Variants in CTSL observed in about 807,000 individuals in gnomAD.
CTSL encodes the protein cathepsin L.
Under a neutral mutation model 34.7 loss-of-function variants are expected in CTSL, and 23 were observed. The observed-to-expected ratio is 0.66, with a 90% CI of 0.48 to 0.94. CTSL has a LOEUF of 0.94. Ranked by LOEUF, CTSL falls within the 40% of genes least tolerant of loss-of-function variation. The probability of loss-of-function intolerance (pLI) is 0.00; values close to 1 mark genes in which losing one functional copy is unlikely to be tolerated. For synonymous variants in CTSL, 129 were observed against 136.7 expected, an observed-to-expected ratio of 0.94 and a Z score of 0.39; for missense variants, 361 against 406.3, an observed-to-expected ratio of 0.89 and a Z score of 0.96.
In CTSL at chr9:87,728,655, G is replaced by C. The variant is rs1033918561; in HGVS notation, c.467G>C (p.Gly156Ala). The change falls in exon 5 of 8, where the codon GGG becomes GCG. Residue 156 changes from glycine to alanine, a missense_variant. By Grantham distance (60) the Gly-to-Ala change is moderately conservative. Transcript: ENST00000343150. ...GAAGGACAGATGTTCCGGAAAACTGGGAGGCTTATCTCACTGAGTGAGCAG... is the reference window on the plus strand; with the variant it reads ...GAAGGACAGATGTTCCGGAAAACTGCGAGGCTTATCTCACTGAGTGAGCAG... ...ALEGQMFRKT[G>A]RLISLSEQNL... The C allele has an allele frequency of 6.2e-7, 1 of 1,614,064 alleles. No individual in the cohort carries two copies. The highest frequency in any genetic ancestry group is 2.2e-5 in the East Asian group (1 of 44,858).
intron 5 of CTSL, 69 bp from the exon 6 acceptor site, chr9:87,729,504 T>G: frequency 7.1e-7 from 1 of 1,418,370 alleles, no homozygotes; most frequent in African/African-American, 1.4e-5. Context: ...AGTGTTGTGG[T>G]TCTAACTCAT....
chr9:87,729,856 T>C (rs1826190542), intron 6 of CTSL, 121 bp downstream of exon 6: 1 of 907,566 alleles, frequency 1.1e-6, no homozygotes, highest in Non-Finnish European at 1.6e-6. Context: ...AGCATCATAG[T>C]TGTTCATTCT....
chr9:87,728,511 A>C, intron 4 of CTSL, 74 bp from the exon 5 acceptor site: 1 of 1,573,122 alleles, frequency 6.4e-7, no homozygotes, highest in South Asian at 1.2e-5. Context: ...AACAGTATTC[A>C]GATGTGTGAG....
rs191495548 is a variant in CTSL, at chr9:87,728,440, C to G, written c.396+44C>G. ...CAGACCTCCCATCTTCCCAGGAAAGCCAAGAAGTGATTGACATCTTTGTTT... is the reference window on the plus strand; with the variant it reads ...CAGACCTCCCATCTTCCCAGGAAAGGCAAGAAGTGATTGACATCTTTGTTT... On this transcript the variant is annotated intron_variant, in intron 4 of 7. Coordinates refer to ENST00000343150, the MANE Select transcript of CTSL (RefSeq NM_001912.5). 5 of 1,593,356 alleles carry G rather than the reference C, an allele frequency of 3.1e-6. No homozygotes were observed. The Admixed American group carries it at 5.4e-5, about 17-fold the overall frequency.
Position 87,730,998 on chromosome 9 carries a change from C to G in CTSL, c.903-10C>G. ...CTTTCTCTGAAATGGAAAACCTGCT[C>G]TTTTTTCAGCTGGGGTGAAGAATGG... is the stretch of plus-strand genomic sequence containing the variant. On this transcript the variant is annotated splice_polypyrimidine_tract_variant and intron_variant, in intron 7 of 7. Coordinates refer to ENST00000343150, the MANE Select transcript of CTSL (RefSeq NM_001912.5). The G allele has an allele frequency of 1.2e-6, 2 of 1,612,608 alleles. No homozygotes were observed. Among genetic ancestry groups the G allele is most frequent in the South Asian group, 2.2e-5 (2 of 90,992 alleles).
At chr9:87,728,927 T>A in intron 5 of CTSL, 118 bp downstream of exon 5, 1 of 1,519,376 alleles carries the variant, frequency 6.6e-7, no homozygotes, top group Non-Finnish European at 8.8e-7. Context: ...GGCTCACGCC[T>A]GTAATCCCAG....
rs757255479 is a variant in CTSL, at chr9:87,728,113, C to A, written c.213C>A (p.His71Gln). The A allele has an allele frequency of 9.3e-6, 15 of 1,614,224 alleles. No homozygotes were observed. The South Asian group carries it at 1.6e-4, about 18-fold the overall frequency. Residue 71 changes from histidine to glutamine, a missense_variant, in exon 3 of 8, where the codon CAC becomes CAA. His to Gln is a conservative substitution (Grantham distance 24). Transcript: ENST00000343150. ...ATCAGGAATACAGGGAAGGGAAACACAGCTTCACAATGGCCATGAACGCCT... is the reference window on the plus strand; with the variant it reads ...ATCAGGAATACAGGGAAGGGAAACAAAGCTTCACAATGGCCATGAACGCCT... ...LHNQEYREGK[H>Q]SFTMAMNAFG...
chr9:87,731,144 A>G lies in CTSL; in HGVS notation c.*37A>G. On this transcript the variant is annotated 3_prime_UTR_variant, in exon 8 of 8. Coordinates refer to ENST00000343150, the MANE Select transcript of CTSL (RefSeq NM_001912.5). ...GTGATGAGGAAGGACTTGACTGGGG[A>G]TGGCGCATGCATGGGAGGAATTCAT... 1.3e-6 allele frequency: 2 copies of G among 1,521,402 alleles called. No homozygotes were observed. Among genetic ancestry groups the G allele is most frequent in the South Asian group, 2.3e-5 (2 of 88,432 alleles). 94.2% of individuals were successfully genotyped at this position (1,521,402 alleles called of 1,614,324 possible).
Position 87,729,695 on chromosome 9 carries a change from T to C in CTSL, c.744T>C (p.Ala248=). ...AVATVGPISV[A]IDAGHESFLF... ...CAACTGTGGGGCCCATTTCTGTTGC[T>C]ATTGATGCAGGTCATGAGTCCTTCC... Residue 248 remains alanine (A), a synonymous_variant, in exon 6 of 8, where the codon GCT becomes GCC. Transcript: ENST00000343150. The C allele has an allele frequency of 1.2e-6, 2 of 1,614,010 alleles. No individual in the cohort carries two copies. Among genetic ancestry groups the C allele is most frequent in the Non-Finnish European group, 1.7e-6 (2 of 1,179,960 alleles).
intron 5 of CTSL, among the ~76,000 whole-genome samples, chr9:87,729,246 C>G (rs1422339776): frequency 6.6e-6 from 1 of 151,986 alleles, no homozygotes; most frequent in African/African-American, 2.4e-5. Flanking sequence ...AATTATTAGC[C>G]TTTGCACAAT....
In CTSL at chr9:87,727,647, C is replaced by T. The variant is rs376063999; in HGVS notation, c.44C>T (p.Ala15Val). The T allele has an allele frequency of 1.2e-5, 20 of 1,613,946 alleles. No homozygotes were observed. The highest frequency in any genetic ancestry group is 1.4e-5 in the Non-Finnish European group (17 of 1,180,018). The change falls in exon 2 of 8, where the codon GCC becomes GTC. Residue 15 changes from alanine to valine, a missense_variant. Transcript: ENST00000343150. ...LILAAFCLGI[A>V]SATLTFDHSL... ...CTTGCTGCCTTTTGCCTGGGAATTG[C>T]CTCAGCTACTCTAACATTTGATCAC...
At chr9:87,729,514 T>C (rs1826171899) in intron 5 of CTSL, 59 bp from the exon 6 acceptor site, 2 of 1,504,546 alleles carry the variant, frequency 1.3e-6, no homozygotes, top group East Asian at 2.3e-5. Flanking sequence ...TTCTAACTCA[T>C]GTTCTCCAGG....
intron 5 of CTSL, 108 bp downstream of exon 5, chr9:87,728,917 G>T: frequency 2.0e-6 from 3 of 1,536,580 alleles, no homozygotes; most frequent in Non-Finnish European, 2.6e-6. Flanking sequence ...TGGGTGGGGT[G>T]GCTCACGCCT....
intron 6 of CTSL, 52 bp downstream of exon 6, chr9:87,729,787 A>G: frequency 1.3e-6 from 2 of 1,537,560 alleles, no homozygotes; most frequent in Non-Finnish European, 1.8e-6. Flanking sequence ...GTATCATGAC[A>G]TACGAGCATG....
rs148207959 is a variant in CTSL at position 87,728,104 on chromosome 9, A to C, written c.204A>C (p.Glu68Asp). 7.0e-5 allele frequency: 113 copies of C among 1,614,060 alleles called. No individual in the cohort carries two copies. Among genetic ancestry groups the C allele is most frequent in the Non-Finnish European group, 8.7e-5 (103 of 1,180,018 alleles). Residue 68 changes from glutamate (E) to aspartate (D), a missense_variant, in exon 3 of 8, where the codon GAA becomes GAC. Transcript: ENST00000343150. ...MIELHNQEYR[E>D]GKHSFTMAMN... is the part of the protein sequence containing the mutation. ...AACTGCACAATCAGGAATACAGGGA[A>C]GGGAAACACAGCTTCACAATGGCCA...
In CTSL at chr9:87,729,623, C is replaced by T. The variant is rs749458863; in HGVS notation, c.672C>T (p.Gly224=). The change falls in exon 6 of 8, where the codon GGC becomes GGT. Residue 224 remains glycine (G), a synonymous_variant. Coordinates refer to ENST00000343150, the MANE Select transcript of CTSL (RefSeq NM_001912.5). The part of the protein sequence containing the change: ...NPKYSVANDT[G]FVDIPKQEKA... The stretch of plus-strand genomic sequence containing the variant: ...AGTATTCTGTTGCTAATGACACCGG[C>T]TTTGTGGACATCCCTAAGCAGGAGA... 1 of 1,614,142 alleles carries T rather than the reference C, an allele frequency of 6.2e-7. No individual in the cohort carries two copies. The highest frequency in any genetic ancestry group is 1.7e-5 in the Admixed American group (1 of 60,026).
In CTSL at chr9:87,728,253, A is replaced by T. The variant is rs1036805556; in HGVS notation, c.253A>T (p.Ser85Cys). 1 of 1,614,182 alleles carries T rather than the reference A, an allele frequency of 6.2e-7. No homozygotes were observed. The highest frequency in any genetic ancestry group is 1.3e-5 in the African/African-American group (1 of 75,044). The change falls in exon 4 of 8, where the codon AGT becomes TGT. Residue 85 changes from serine (S) to cysteine (C), a missense_variant. Transcript: ENST00000343150. ...TTTTATTTCCTTTTCCTTGAAGACC[A>T]GTGAAGAATTCAGGCAGGTGATGAA... is the stretch of plus-strand genomic sequence containing the variant. ...MAMNAFGDMT[S>C]EEFRQVMNGF...
At position 87,731,290 on chromosome 9, in the gene CTSL, A is replaced by G; in HGVS notation, c.*183A>G. On this transcript the variant is annotated 3_prime_UTR_variant, in exon 8 of 8. Transcript: ENST00000343150. ...TGTTACCTCTATTTTAATTACTGCT[A>G]TAAATAGGTTTATATTATTGATTCA... is the stretch of plus-strand genomic sequence containing the variant. 2.2e-6 allele frequency: 1 copy of G among 457,362 alleles called. No individual in the cohort carries two copies. Among genetic ancestry groups the G allele is most frequent in the East Asian group, 3.0e-5 (1 of 33,220 alleles). The allele number at this position is 457,362 out of a possible 1,614,324, so 28.3% of individuals were successfully genotyped here. A position where few individuals can be genotyped will look rare whatever the true frequency, so the allele number is the denominator to read the frequency against.
Position 87,731,135 on chromosome 9 carries a change from T to C in CTSL, c.*28T>C. On this transcript the variant is annotated 3_prime_UTR_variant, in exon 8 of 8. Coordinates refer to ENST00000343150, the MANE Select transcript of CTSL (RefSeq NM_001912.5). ...TGGTGGACGGTGATGAGGAAGGACT[T>C]GACTGGGGATGGCGCATGCATGGGA... The C allele has an allele frequency of 6.4e-7, 1 of 1,571,112 alleles. No homozygotes were observed. Among genetic ancestry groups the C allele is most frequent in the Non-Finnish European group, 8.8e-7 (1 of 1,141,932 alleles).
Sources: allele counts gnomAD v4.1 joint callset (sites outside exome capture counted in the v4.1 genomes callset), GRCh38; gene constraint gnomAD v4.1.1; transcripts MANE v1.5; gene names NCBI Gene and HGNC (gene_info 2026-07-23, HGNC 2026-07-21).